Variants in GNE observed in about 807,000 individuals in gnomAD.
GNE encodes the protein glucosamine (UDP-N-acetyl)-2-epimerase/N-acetylmannosamine kinase.
A neutral mutation model predicts 61.8 loss-of-function variants in GNE; 41 were observed. That is an observed-to-expected ratio of 0.66 (90% CI 0.52 to 0.86). The LOEUF (loss-of-function observed/expected upper bound fraction) is 0.86, where lower values mean the gene tolerates loss of function less well. Among genes scored for constraint, GNE ranks in the 40% least tolerant of loss-of-function variants. The probability of loss-of-function intolerance (pLI) is 0.00; values close to 1 mark genes in which losing one functional copy is unlikely to be tolerated. For synonymous variants in GNE, 264 were observed against 326.4 expected (o/e 0.81, Z 2.06); for missense variants, 608 against 909.1 (o/e 0.67, Z 4.26).
Position 36,253,893 on chromosome 9 carries a change from C to T in GNE, c.-43+4428G>A, listed in dbSNP as rs1830219183. 3.3e-5 allele frequency among the ~76,000 whole-genome samples: 5 copies of T among 151,636 alleles called. No homozygotes were observed. The South Asian group carries it at 1.0e-3, about 32-fold the overall frequency. ...TCTCTACTAAAAATACAAAACTTAG[C>T]AGGGTGTGGTGGCGTGCACCTGCAA... is the stretch of plus-strand genomic sequence containing the variant. On this transcript the variant is annotated intron_variant, in intron 1 of 11. Transcript: ENST00000642385.
At chr9:36,222,167 C>T (rs558562357) in intron 9 of GNE, among the ~76,000 whole-genome samples, 1 of 152,102 alleles carries the variant, frequency 6.6e-6, no homozygotes, top group African/African-American at 2.4e-5. Flanking sequence ...GCCTGTAATC[C>T]CAGCACTTTG....
intron 1 of GNE, among the ~76,000 whole-genome samples, chr9:36,265,795 A>G (rs1830757311): frequency 6.6e-6 from 1 of 152,200 alleles, no homozygotes; most frequent in Admixed American, 6.5e-5. Context: ...GGTCCCTAGC[A>G]TGCGCCGTTC....
chr9:36,272,463 T>C (rs545406626), intron 1 of GNE, among the ~76,000 whole-genome samples: 63 of 151,144 alleles, frequency 4.2e-4, no homozygotes, highest in African/African-American at 1.4e-3. Context: ...CTACTAAAAA[T>C]ACAAAAAATT....
rs200863769 is a variant in GNE at position 36,265,957 on chromosome 9, TCTCA to T, written c.51+10933_51+10936del. Among the ~76,000 whole-genome samples, 202 of 152,022 alleles carry T rather than the reference TCTCA, an allele frequency of 1.3e-3. 6 individuals carry two copies. The East Asian group carries it at 0.037, about 28-fold the overall frequency. On this transcript the variant is annotated intron_variant, in intron 1 of 11. Transcript: ENST00000396594. Reference sequence around the variant, plus strand: ...TTTATTTTATTTTTTTGAGACGGAGTCTCACTCTGTCACCCAGGCTGGAGTGCAG... The same window carrying T: ...TTTATTTTATTTTTTTGAGACGGAGTCTCTGTCACCCAGGCTGGAGTGCAG...
chr9:36,254,368 A>G (rs1215990585), intron 1 of GNE, among the ~76,000 whole-genome samples: 1 of 151,886 alleles, frequency 6.6e-6, no homozygotes, highest in Non-Finnish European at 1.5e-5. Context: ...GTCTCTACAA[A>G]CAAATTTTTT....
At chr9:36,242,326 T>G (rs1394967147) in intron 3 of GNE, among the ~76,000 whole-genome samples, 1 of 152,218 alleles carries the variant, frequency 6.6e-6, no homozygotes, top group African/African-American at 2.4e-5. Context: ...CTGTTGTCCT[T>G]CTTTCCATAA....
chr9:36,272,389 A>T (rs1831059156), intron 1 of GNE, among the ~76,000 whole-genome samples: 1 of 152,180 alleles, frequency 6.6e-6, no homozygotes, highest in Non-Finnish European at 1.5e-5. Context: ...TGGGAGGCCG[A>T]GGCAGGTGGA....
At chr9:36,234,397 A>G (rs1829308544) in intron 4 of GNE, among the ~76,000 whole-genome samples, 1 of 152,176 alleles carries the variant, frequency 6.6e-6, no homozygotes, top group Non-Finnish European at 1.5e-5. Context: ...TCAATGCCCT[A>G]GTAAAAGCCT....
chr9:36,254,768 A>G (rs1275521759), intron 1 of GNE, among the ~76,000 whole-genome samples: 1 of 152,040 alleles, frequency 6.6e-6, no homozygotes, highest in Non-Finnish European at 1.5e-5. Context: ...CCTGGCTAAC[A>G]TGGCAAAACC....
At chr9:36,254,169 C>T (rs1830232369) in intron 1 of GNE, among the ~76,000 whole-genome samples, 1 of 151,982 alleles carries the variant, frequency 6.6e-6, no homozygotes, top group Admixed American at 6.6e-5. Flanking sequence ...CGCACCACTG[C>T]ACTCCAGCCT....
rs1450833572 is a variant in GNE at position 36,233,599 on chromosome 9, G to A, written c.982+321C>T. On this transcript the variant is annotated intron_variant, in intron 5 of 11. Coordinates refer to ENST00000642385, the MANE Select transcript of GNE (RefSeq NM_005476.7). ...GGAGAATGGCGTGAACCTGGGAGGC[G>A]GAGCTTGCAGTGAGCCGAGATCACG... is the stretch of plus-strand genomic sequence containing the variant. 3.9e-5 allele frequency among the ~76,000 whole-genome samples: 6 copies of A among 151,960 alleles called. No individual in the cohort carries two copies. The South Asian group carries it at 1.2e-3, about 32-fold the overall frequency.
At position 36,236,880 on chromosome 9, in the gene GNE, T is replaced by G. The variant is rs763729254; in HGVS notation, c.721A>C (p.Ile241Leu). 1.5e-5 allele frequency: 25 copies of G among 1,613,554 alleles called. No individual in the cohort carries two copies. Among genetic ancestry groups the G allele is most frequent in the Non-Finnish European group, 2.0e-5 (24 of 1,179,454 alleles). The part of the protein sequence containing the change: ...KMFELTLDAL[I>L]SFNKRTLVLF... ...ACTAGGGTCCGCTTGTTAAATGAGA[T>G]AAGTGCATCCAATGTTAATTCAAAC... The change falls in exon 4 of 12, where the codon ATC becomes CTC. Residue 241 changes from isoleucine (I) to leucine (L), a missense_variant. Physicochemically the swap from Ile to Leu is conservative, Grantham distance 5. Coordinates refer to ENST00000642385, the MANE Select transcript of GNE (RefSeq NM_005476.7).
chr9:36,253,809 G>A (rs71487711), intron 1 of GNE, among the ~76,000 whole-genome samples: 18,028 of 146,002 alleles, frequency 0.12, 1,152 homozygotes, highest in East Asian at 0.16. Flanking sequence ...AGGCTGAGGT[G>A]GGCGGATCAC....
intron 6 of GNE, among the ~76,000 whole-genome samples, chr9:36,227,968 G>A (rs1761495250): frequency 6.7e-6 from 1 of 150,276 alleles, no homozygotes; most frequent in South Asian, 2.1e-4. Flanking sequence ...GGGAAGCGGA[G>A]GTTGCAGTGA....
At chr9:36,274,664 T>A (rs2133204764) in intron 1 of GNE, among the ~76,000 whole-genome samples, 1 of 152,282 alleles carries the variant, frequency 6.6e-6, no homozygotes, top group East Asian at 1.9e-4. Context: ...GTCTTCCTTA[T>A]ATCTCATTTT....
intron 3 of GNE, among the ~76,000 whole-genome samples, chr9:36,240,517 G>A (rs1829592470): frequency 6.6e-6 from 1 of 152,112 alleles, no homozygotes; most frequent in African/African-American, 2.4e-5. Flanking sequence ...ACTTGATCAT[G>A]GAGGATTATC....
chr9:36,252,796 G>C (rs761074685), intron 1 of GNE, among the ~76,000 whole-genome samples: 17 of 147,338 alleles, frequency 1.2e-4, no homozygotes, highest in Non-Finnish European at 1.9e-4. Context: ...TTTCATCTGT[G>C]TTCCCCAGCT....
intron 1 of GNE, among the ~76,000 whole-genome samples, chr9:36,253,813 G>A (rs143283930): frequency 0.017 from 2,568 of 147,442 alleles, 78 homozygotes; most frequent in African/African-American, 0.06. Flanking sequence ...TGAGGTGGGC[G>A]GATCACCTGA....
intron 1 of GNE, among the ~76,000 whole-genome samples, chr9:36,256,570 TTC>T (rs2133156666): frequency 6.6e-6 from 1 of 152,240 alleles, no homozygotes; most frequent in South Asian, 2.1e-4. Context: ...AAAGACTACT[TTC>T]TGCATTCTCT....
Sources: allele counts gnomAD v4.1 joint callset (sites outside exome capture counted in the v4.1 genomes callset), GRCh38; gene constraint gnomAD v4.1.1; transcripts MANE v1.5; gene names NCBI Gene and HGNC (gene_info 2026-07-23, HGNC 2026-07-21).